Variants in QTRT1 observed in about 807,000 individuals in gnomAD.
The protein encoded by QTRT1 is TGT, 43-KD subunit.
QTRT1 carries 41 observed loss-of-function variants against 44.0 expected under a neutral mutation model. The observed-to-expected ratio is 0.93, with a 90% confidence interval of 0.73 to 1.21. The LOEUF (loss-of-function observed/expected upper bound fraction) is 1.21, where lower values mean the gene tolerates loss of function less well. Ranked by LOEUF, QTRT1 falls within the 50% of genes most tolerant of loss-of-function variation. QTRT1 has a pLI of 0.00. For missense variants in QTRT1, 542 were observed against 575.8 expected, an observed-to-expected ratio of 0.94 and a Z score of 0.60; for synonymous variants, 226 against 237.1, an observed-to-expected ratio of 0.95 and a Z score of 0.43.
intron 5 of QTRT1, chr19:10,711,607 G>A (rs569029098): frequency 1.2e-4 from 20 of 163,672 alleles, no homozygotes; most frequent in African/African-American, 7.2e-5. Flanking sequence ...GACCAAAGGC[G>A]TGCACCACCA....
At position 10,712,664 on chromosome 19, in the gene QTRT1, C is replaced by T. The variant is rs114696057; in HGVS notation, c.861+36C>T. The T allele has an allele frequency of 1.5e-3, 2,213 of 1,476,076 alleles. 25 individuals carry two copies. In the African/African-American group the frequency reaches 0.032, roughly 21 times the overall value. 91.4% of individuals were successfully genotyped at this position (1,476,076 alleles called of 1,614,324 possible). On this transcript the variant is annotated intron_variant, in intron 7 of 9. Coordinates refer to ENST00000250237, the MANE Select transcript of QTRT1 (RefSeq NM_031209.3). This position sits in a 1 kb window ranked among gnomAD's most constrained non-coding sequence, Gnocchi z 5.6. Reference sequence around the variant, plus strand: ...GGCAGAAGGAGGTCAGGGCGGGAGACGGGTGGGGGACTAGGGAGGCAAGGT... The same window carrying T: ...GGCAGAAGGAGGTCAGGGCGGGAGATGGGTGGGGGACTAGGGAGGCAAGGT...
intron 4 of QTRT1, 39 bp from the exon 5 acceptor site, chr19:10,707,461 A>G (rs777101598): frequency 6.2e-7 from 1 of 1,610,030 alleles, no homozygotes; most frequent in South Asian, 1.1e-5. Context: ...CTACCCCCTC[A>G]CCAGGCCCCT....
rs748872175 is a variant in QTRT1 at position 10,712,732 on chromosome 19, C to T, written c.862-26C>T. The T allele has an allele frequency of 1.2e-6, 2 of 1,606,158 alleles. No individual in the cohort carries two copies. The highest frequency in any genetic ancestry group is 2.2e-5 in the South Asian group (2 of 90,906). ...GAGAATGAAGCCCTGGGTGACGCCC[C>T]TTTCCCTGCCCTTCCTCTCCCACAG... is the stretch of plus-strand genomic sequence containing the variant. On this transcript the variant is annotated intron_variant, in intron 7 of 9. Transcript: ENST00000250237. The surrounding 1 kb of genome is among the most constrained non-coding windows in gnomAD (Gnocchi z 5.6).
intron 1 of QTRT1, 53 bp from the exon 2 acceptor site, chr19:10,701,897 G>T: frequency 6.2e-7 from 1 of 1,602,320 alleles, no homozygotes; most frequent in Non-Finnish European, 8.5e-7. Flanking sequence ...TCCCAAGAAG[G>T]GCCCCCAGGG....
intron 3 of QTRT1, 110 bp from the exon 4 acceptor site, chr19:10,707,192 G>T (rs138738566): frequency 2.8e-6 from 3 of 1,068,638 alleles, no homozygotes; most frequent in African/African-American, 1.5e-5. Context: ...TTAGCAAGAC[G>T]GGGGATGGGG....
rs2082378901 is a variant in QTRT1, at chr19:10,712,120, A to G, written c.647-41A>G. ...TGTTCTGGGATTGAAGACCAGGCGCATTTCCTCTTCTGTGGCCCTCACCTT... is the reference window on the plus strand; with the variant it reads ...TGTTCTGGGATTGAAGACCAGGCGCGTTTCCTCTTCTGTGGCCCTCACCTT... On this transcript the variant is annotated intron_variant, in intron 5 of 9. Coordinates refer to ENST00000250237, the MANE Select transcript of QTRT1 (RefSeq NM_031209.3). This position sits in a 1 kb window ranked among gnomAD's most constrained non-coding sequence, Gnocchi z 5.6. 3.1e-6 allele frequency: 5 copies of G among 1,609,744 alleles called. No homozygotes were observed. The highest frequency in any genetic ancestry group is 4.2e-6 in the Non-Finnish European group (5 of 1,179,920).
intron 5 of QTRT1, 56 bp downstream of exon 5, chr19:10,707,671 G>A: frequency 7.6e-7 from 1 of 1,316,066 alleles, no homozygotes. Context: ...TCCCCACATG[G>A]GCCTGGCGTA....
At chr19:10,709,772 C>G in intron 5 of QTRT1, among the ~76,000 whole-genome samples, 1 of 152,114 alleles carries the variant, frequency 6.6e-6, no homozygotes. Flanking sequence ...TGGCGTGAAC[C>G]TGGGAGACAG....
At chr19:10,708,101 A>G (rs2068723076) in intron 5 of QTRT1, among the ~76,000 whole-genome samples, 1 of 151,666 alleles carries the variant, frequency 6.6e-6, no homozygotes, top group African/African-American at 2.4e-5. Flanking sequence ...AGTAGCTGGG[A>G]CTACAGGCAC....
At chr19:10,708,771 T>C (rs1275157991) in intron 5 of QTRT1, among the ~76,000 whole-genome samples, 1 of 150,222 alleles carries the variant, frequency 6.7e-6, no homozygotes, top group South Asian at 2.1e-4. Context: ...TTTTTTCTTT[T>C]TTTTTTTTTT....
In QTRT1 at chr19:10,702,201, G is replaced by C; in HGVS notation, c.398G>C (p.Gly133Ala). 6.2e-7 allele frequency: 1 copy of C among 1,614,136 alleles called. No individual in the cohort carries two copies. Among genetic ancestry groups the C allele is most frequent in the Non-Finnish European group, 8.5e-7 (1 of 1,180,024 alleles). ...GTCCGCTTCCGCTCCCCCTACGACG[G>C]CAATGAGACCCTGCTGAGCCCGGAG... ...EGVRFRSPYD[G>A]NETLLSPEKS... The change falls in exon 3 of 10, where the codon GGC becomes GCC. Residue 133 changes from glycine to alanine, a missense_variant. Coordinates refer to ENST00000250237, the MANE Select transcript of QTRT1 (RefSeq NM_031209.3).
chr19:10,712,489 T>C lies in QTRT1; in HGVS notation c.786-64T>C. Reference sequence around the variant, plus strand: ...GGCCCAGTCTGGGGCAGTGTGAGGGTTGGGAGGGGCCCTGGGAAGCCCCTG... The same window carrying C: ...GGCCCAGTCTGGGGCAGTGTGAGGGCTGGGAGGGGCCCTGGGAAGCCCCTG... On this transcript the variant is annotated intron_variant, in intron 6 of 9. Transcript: ENST00000250237. This position sits in a 1 kb window ranked among gnomAD's most constrained non-coding sequence, Gnocchi z 5.6. The C allele has an allele frequency of 6.7e-7, 1 of 1,490,424 alleles. No homozygotes were observed. The highest frequency in any genetic ancestry group is 9.4e-7 in the Non-Finnish European group (1 of 1,068,746). 92.3% of individuals were successfully genotyped at this position (1,490,424 alleles called of 1,614,324 possible). A position where few individuals can be genotyped will look rare whatever the true frequency, so the allele number is the denominator to read the frequency against.
At chr19:10,703,331 G>A (rs1020748738) in intron 3 of QTRT1, among the ~76,000 whole-genome samples, 1 of 151,960 alleles carries the variant, frequency 6.6e-6, no homozygotes, top group Middle Eastern at 3.2e-3. Context: ...CAGAGTGCTG[G>A]GATTATAGGT....
intron 5 of QTRT1, 175 bp from the exon 6 acceptor site, chr19:10,711,986 C>T (rs2068740571): frequency 6.8e-6 from 5 of 735,968 alleles, no homozygotes; most frequent in African/African-American, 3.5e-5. Flanking sequence ...GATGGACCCT[C>T]TCCTCTGTCT....
chr19:10,707,507 C>G lies in QTRT1; in HGVS notation c.538C>G (p.Arg180Gly), dbSNP rs751857027. The G allele has an allele frequency of 8.7e-6, 14 of 1,611,616 alleles. No homozygotes were observed. Among genetic ancestry groups the G allele is most frequent in the African/African-American group, 1.3e-5 (1 of 75,014 alleles). ...RVEEAMYRSI[R>G]WLDRCIAAHQ... Reference sequence around the variant, plus strand: ...ACTGGGGCCCTGTTGCAGGTCAATCCGCTGGCTGGACCGGTGCATTGCAGC... The same window carrying G: ...ACTGGGGCCCTGTTGCAGGTCAATCGGCTGGCTGGACCGGTGCATTGCAGC... Residue 180 changes from arginine (R) to glycine (G), a missense_variant, in exon 5 of 10, where the codon CGC (arginine) becomes GGC (glycine). Arg to Gly is a moderately radical substitution (Grantham distance 125). Coordinates refer to ENST00000250237, the MANE Select transcript of QTRT1 (RefSeq NM_031209.3).
intron 5 of QTRT1, chr19:10,711,452 T>A (rs1395815309): frequency 6.6e-6 from 1 of 152,118 alleles, no homozygotes; most frequent in East Asian, 1.9e-4. Flanking sequence ...ATTGAAGGCA[T>A]GAGTCACCGC....
intron 3 of QTRT1, 72 bp downstream of exon 3, chr19:10,702,326 T>C: frequency 1.9e-6 from 3 of 1,547,356 alleles, no homozygotes; most frequent in Non-Finnish European, 2.6e-6. Flanking sequence ...GGCCTGTTTT[T>C]TAGCTGTTGT....
rs775514597 is a variant in QTRT1, at chr19:10,701,499, C to T, written c.39C>T (p.Ala13=). The change falls in exon 1 of 10, where the codon GCC becomes GCT. Residue 13 remains alanine (A), a synonymous_variant. Coordinates refer to ENST00000250237, the MANE Select transcript of QTRT1 (RefSeq NM_031209.3). ...CTACCCAGGCTTCCCTGGAGTCGGC[C>T]CCACGGATCATGCGGCTGGTGGCCG... ...GAATQASLES[A]PRIMRLVAEC... is the part of the protein sequence containing the mutation. 11 of 1,584,674 alleles carry T rather than the reference C, an allele frequency of 6.9e-6. No individual in the cohort carries two copies. Among genetic ancestry groups the T allele is most frequent in the Admixed American group, 3.4e-5 (2 of 57,976 alleles).
At position 10,707,306 on chromosome 19, in the gene QTRT1, G is replaced by T. The variant is rs142809082; in HGVS notation, c.456G>T (p.Ser152=). Residue 152 remains serine, a synonymous_variant, in exon 4 of 10, where the codon TCG becomes TCT. Coordinates refer to ENST00000250237, the MANE Select transcript of QTRT1 (RefSeq NM_031209.3). ...KSVQIQNALG[S]DIIMQLDDVV... ...TTGCCCCCATCTCACCATCAGGCTC[G>T]GACATCATCATGCAGCTGGACGACG... is the stretch of plus-strand genomic sequence containing the variant. 1.2e-6 allele frequency: 2 copies of T among 1,614,150 alleles called. No individual in the cohort carries two copies. Among genetic ancestry groups the T allele is most frequent in the East Asian group, 2.2e-5 (1 of 44,882 alleles).
Sources: allele counts gnomAD v4.1 joint callset (sites outside exome capture counted in the v4.1 genomes callset), GRCh38; gene constraint gnomAD v4.1.1; non-coding constraint Gnocchi (gnomAD v3.1); transcripts MANE v1.5; gene names NCBI Gene and HGNC (gene_info 2026-07-23, HGNC 2026-07-21).